The following ZNF83 variants were observed in gnomAD, a reference collection of about 807,000 sequenced individuals.
ZNF83 encodes zinc finger protein 83, also known as zinc finger protein 816B.
For synonymous variants in ZNF83, 209 were observed against 213.0 expected, an observed-to-expected ratio of 0.98 and a Z score of 0.17; for missense variants, 552 against 629.9, an observed-to-expected ratio of 0.88 and a Z score of 1.32.
intron 2 of ZNF83, among the ~76,000 whole-genome samples, chr19:52,659,613 CA>C (rs67918270): frequency 0.01 from 1,191 of 114,182 alleles, 18 homozygotes; most frequent in African/African-American, 0.032. Context: ...GACTCCAACT[CA>C]AAAAAAAAAA....
chr19:52,653,060 T>G lies in ZNF83; in HGVS notation c.-74+2501A>C, dbSNP rs1425099221. Reference sequence around the variant, plus strand: ...AAAACCTTGCCACATTCATTACACTTGTAAGGTTTCTCTCCAGTATGAATT... The same window carrying G: ...AAAACCTTGCCACATTCATTACACTGGTAAGGTTTCTCTCCAGTATGAATT... On this transcript the variant is annotated intron_variant, in intron 3 of 5. Coordinates refer to the ZNF83 transcript ENST00000594682. 4.7e-6 allele frequency: 7 copies of G among 1,487,354 alleles called. No individual in the cohort carries two copies. The Admixed American group carries it at 1.2e-4, about 25-fold the overall frequency. The allele number at this position is 1,487,354 out of a possible 1,614,324, so 92.1% of individuals were successfully genotyped here.
At chr19:52,661,727 A>G (rs1267031645) in intron 1 of ZNF83, among the ~76,000 whole-genome samples, 3 of 152,204 alleles carry the variant, frequency 2.0e-5, no homozygotes, top group African/African-American at 4.8e-5. Context: ...ACCAGGATCC[A>G]GTGAACAGCG....
At chr19:52,633,317 A>G (rs1034965283) in intron 2 of ZNF83, among the ~76,000 whole-genome samples, 3 of 151,090 alleles carry the variant, frequency 2.0e-5, no homozygotes, top group Admixed American at 6.7e-5. Context: ...GACTCAGCCC[A>G]CCTGCACCCA....
At chr19:52,682,329 G>A (rs58669357) in intron 1 of ZNF83, among the ~76,000 whole-genome samples, 26,879 of 152,060 alleles carry the variant, frequency 0.18, 3,024 homozygotes, top group East Asian at 0.34. Flanking sequence ...AGGCTATAGT[G>A]AGCTATGATT....
intron 3 of ZNF83, among the ~76,000 whole-genome samples, chr19:52,645,608 G>A (rs2061361444): frequency 6.6e-6 from 1 of 152,118 alleles, no homozygotes; most frequent in Non-Finnish European, 1.5e-5. Context: ...GGAGTTTAAG[G>A]TCAGCCTGGC....
At chr19:52,686,575 TG>T (rs2062020763) in intron 1 of ZNF83, among the ~76,000 whole-genome samples, 1 of 151,818 alleles carries the variant, frequency 6.6e-6, no homozygotes, top group African/African-American at 2.4e-5. Flanking sequence ...TTTTATTTTT[TG>T]TTTGTTTGTT....
chr19:52,623,844 C>T (rs148282266), intron 2 of ZNF83, among the ~76,000 whole-genome samples: 3 of 152,286 alleles, frequency 2.0e-5, no homozygotes, highest in Non-Finnish European at 1.5e-5. Flanking sequence ...AAAAGCTGGA[C>T]GAGTCTTACA....
chr19:52,628,159 C>CTGTT (rs1191214783), intron 2 of ZNF83, among the ~76,000 whole-genome samples: 1 of 152,160 alleles, frequency 6.6e-6, no homozygotes, highest in African/African-American at 2.4e-5. Flanking sequence ...CACACAAAGC[C>CTGTT]TGTTTGGTGG....
intron 2 of ZNF83, 71 bp downstream of exon 2, chr19:52,634,995 A>G (rs976260134): frequency 2.3e-4 from 163 of 718,384 alleles, no homozygotes; most frequent in Non-Finnish European, 2.9e-4. Context: ...CCCAGAGAAG[A>G]TTCCCAACTC....
At chr19:52,626,560 CCTT>C (rs1013325346) in intron 2 of ZNF83, among the ~76,000 whole-genome samples, 21 of 152,208 alleles carry the variant, frequency 1.4e-4, no homozygotes, top group African/African-American at 4.6e-4. Context: ...CTGTTTTTCT[CCTT>C]CTCTTATTCA....
At position 52,655,460 on chromosome 19, in the gene ZNF83, A is replaced by G. The variant is rs994795212; in HGVS notation, c.-74+101T>C. 4.6e-5 allele frequency: 52 copies of G among 1,126,764 alleles called. No individual in the cohort carries two copies. The Middle Eastern group carries it at 6.6e-4, about 14-fold the overall frequency. The allele number at this position is 1,126,764 out of a possible 1,614,324, so 69.8% of individuals were successfully genotyped here. On this transcript the variant is annotated intron_variant, in intron 3 of 5. Transcript: ENST00000594682. ...GCAGAAAACAATGACATGTACATCA[A>G]AAGCATGTATGCGGCAAAATCACAA...
At chr19:52,647,838 C>A (rs1474880362) in intron 3 of ZNF83, among the ~76,000 whole-genome samples, 2 of 151,732 alleles carry the variant, frequency 1.3e-5, no homozygotes, top group Non-Finnish European at 2.9e-5. Context: ...CCATATATTT[C>A]CACCTCTTCT....
chr19:52,673,954 C>T (rs779358437), intron 1 of ZNF83, among the ~76,000 whole-genome samples: 5 of 138,376 alleles, frequency 3.6e-5, no homozygotes, highest in Non-Finnish European at 7.6e-5. Flanking sequence ...AGGTGGAGGC[C>T]GCAGTGAGTC....
chr19:52,631,668 CTG>C (rs1452433225), intron 2 of ZNF83, among the ~76,000 whole-genome samples: 1 of 152,216 alleles, frequency 6.6e-6, no homozygotes, highest in Non-Finnish European at 1.5e-5. Context: ...ACCCTCATGA[CTG>C]TATCTCTCTG....
At chr19:52,675,419 G>C (rs2061786068) in intron 1 of ZNF83, among the ~76,000 whole-genome samples, 1 of 152,092 alleles carries the variant, frequency 6.6e-6, no homozygotes, top group South Asian at 2.1e-4. Flanking sequence ...GGGATACAAG[G>C]GCTGAGCTGG....
Position 52,647,020 on chromosome 19 carries a change from T to C in ZNF83, c.-74+8541A>G, listed in dbSNP as rs2061380494. Reference sequence around the variant, plus strand: ...CTGGGCTTAGCTTTCTGGATGTGAGTCCACTGAGCTGGTGTGCACCTTAAT... The same window carrying C: ...CTGGGCTTAGCTTTCTGGATGTGAGCCCACTGAGCTGGTGTGCACCTTAAT... On this transcript the variant is annotated intron_variant, in intron 3 of 5. Transcript: ENST00000594682. Among the ~76,000 whole-genome samples the C allele has an allele frequency of 2.6e-5, 4 of 152,262 alleles. No individual in the cohort carries two copies. In the South Asian group the frequency reaches 6.2e-4, roughly 24 times the overall value.
chr19:52,639,413 C>CTTTTTTTTTTTTTTT (rs1206783591), upstream of ZNF83, among the ~76,000 whole-genome samples: 6 of 53,872 alleles, frequency 1.1e-4, 1 homozygote, highest in Non-Finnish European at 9.8e-5. Flanking sequence ...TTAGTTTTTT[C>CTTTTTTTTTTTTTTT]TATTTTTTTT....
At chr19:52,688,415 C>A (rs1198170047) in intron 1 of ZNF83, among the ~76,000 whole-genome samples, 4 of 151,716 alleles carry the variant, frequency 2.6e-5, no homozygotes, top group African/African-American at 4.8e-5. Context: ...CTCAAGCAAT[C>A]CCCCTGCCTC....
chr19:52,675,478 T>A (rs1370927500), intron 1 of ZNF83, among the ~76,000 whole-genome samples: 1 of 152,134 alleles, frequency 6.6e-6, no homozygotes, highest in African/African-American at 2.4e-5. Context: ...AAGCCATCCC[T>A]CATGGATCAT....
Sources: allele counts gnomAD v4.1 joint callset (sites outside exome capture counted in the v4.1 genomes callset), GRCh38; gene constraint gnomAD v4.1.1; transcripts MANE v1.5; gene names NCBI Gene and HGNC (gene_info 2026-07-23, HGNC 2026-07-21).